The following GALNT18 variants were observed in gnomAD, a reference collection of about 807,000 sequenced individuals.
GALNT18 encodes the protein GalNAc-transferase 18.
Under a neutral mutation model 69.5 loss-of-function variants are expected in GALNT18, and 44 were observed. The observed-to-expected ratio is 0.63, with a 90% CI of 0.50 to 0.81. The LOEUF (loss-of-function observed/expected upper bound fraction) is 0.81, where lower values mean the gene tolerates loss of function less well. Among genes scored for constraint, GALNT18 ranks in the 40% least tolerant of loss-of-function variants. GALNT18 has a pLI of 0.00. For missense variants in GALNT18, 715 were observed against 810.0 expected (o/e 0.88, Z 1.42); for synonymous variants, 364 against 318.2 (o/e 1.14, Z -1.53).
chr11:11,286,021 C>T (rs923306906), intron 10 of GALNT18, among the ~76,000 whole-genome samples: 10 of 152,076 alleles, frequency 6.6e-5, no homozygotes, highest in Non-Finnish European at 1.0e-4. Context: ...TGTGGCTATC[C>T]GCAACGTTCC....
In GALNT18 at chr11:11,562,365, G is replaced by A. The variant is rs936818372; in HGVS notation, c.235+58994C>T. 4.6e-5 allele frequency among the ~76,000 whole-genome samples: 7 copies of A among 152,076 alleles called. No homozygotes were observed. Among genetic ancestry groups the A allele is most frequent in the African/African-American group, 1.2e-4 (5 of 41,412 alleles). ...ATGTGCACACCCGTCATATTGGATT[G>A]GGGCCCACCCCAATGACCTCATTTT... On this transcript the variant is annotated intron_variant, in intron 1 of 10. Coordinates refer to ENST00000227756, the MANE Select transcript of GALNT18 (RefSeq NM_198516.3). This position sits in a 1 kb window ranked among gnomAD's most constrained non-coding sequence, Gnocchi z 4.1.
intron 6 of GALNT18, chr11:11,351,853 T>G: frequency 1.0e-6 from 1 of 973,622 alleles, no homozygotes; most frequent in Non-Finnish European, 1.5e-6. Flanking sequence ...GCTTCTGAAG[T>G]GTTTCACCCC....
rs1171977695 is a variant in GALNT18, at chr11:11,621,630, C to T, written c.-37G>A. ...TCCTCCATATAGAGCTCCCGGGGGC[C>T]CTTCCTTGTCGTGCGCCCCGAACTC... On this transcript the variant is annotated 5_prime_UTR_variant, in exon 1 of 11. Transcript: ENST00000227756. This position sits in a 1 kb window ranked among gnomAD's most constrained non-coding sequence, Gnocchi z 9.3. The T allele has an allele frequency of 1.5e-5, 23 of 1,487,846 alleles. No homozygotes were observed. Among genetic ancestry groups the T allele is most frequent in the Non-Finnish European group, 2.1e-5 (23 of 1,091,208 alleles). The allele number at this position is 1,487,846 out of a possible 1,614,324, so 92.2% of individuals were successfully genotyped here.
At chr11:11,474,042 C>T (rs1040542880) in intron 1 of GALNT18, among the ~76,000 whole-genome samples, 13 of 152,024 alleles carry the variant, frequency 8.6e-5, no homozygotes, top group African/African-American at 2.2e-4. Flanking sequence ...CCAGCCTGGG[C>T]GACAGAGTAA....
Position 11,318,167 on chromosome 11 carries a change from G to A in GALNT18, c.1512+8919C>T, listed in dbSNP as rs1365683807. On this transcript the variant is annotated intron_variant, in intron 9 of 10. Coordinates refer to ENST00000227756, the MANE Select transcript of GALNT18 (RefSeq NM_198516.3). This position sits in a 1 kb window ranked among gnomAD's most constrained non-coding sequence, Gnocchi z 5.1. ...TGGGAGACCCTTTTTGGCCTAGAAA[G>A]TGAGAGTCAGGTTTCCATTTCCACT... Among the ~76,000 whole-genome samples, 2 of 152,230 alleles carry A rather than the reference G, an allele frequency of 1.3e-5. No individual in the cohort carries two copies. The highest frequency in any genetic ancestry group is 6.5e-5 in the Admixed American group (1 of 15,292).
chr11:11,391,000 T>C (rs1854178696), intron 3 of GALNT18, among the ~76,000 whole-genome samples: 1 of 152,186 alleles, frequency 6.6e-6, no homozygotes, highest in African/African-American at 2.4e-5. Context: ...GCTGGTGCCA[T>C]TACCTGCTCA....
intron 9 of GALNT18, among the ~76,000 whole-genome samples, chr11:11,310,984 G>A (rs10734179): frequency 0.54 from 81,808 of 151,754 alleles, 22,043 homozygotes; most frequent in Middle Eastern, 0.62. Context: ...AAATCCCAGA[G>A]CTTCTTTATT....
rs1326052023 is a variant in GALNT18 at position 11,500,624 on chromosome 11, CCAGTGCAAAATGGTGA to C, written c.236-51704_236-51689del. ...GACACCTCCCATGACAAAGAAGGAT[CCAGTGCAAAATGGTGA>C]CAGTGCCGAGCTAGAGAAGCCCTTC... On this transcript the variant is annotated intron_variant, in intron 1 of 10. Transcript: ENST00000227756. This position sits in a 1 kb window ranked among gnomAD's most constrained non-coding sequence, Gnocchi z 5.0. Among the ~76,000 whole-genome samples, 4 of 152,156 alleles carry C rather than the reference CCAGTGCAAAATGGTGA, an allele frequency of 2.6e-5. No individual in the cohort carries two copies. The highest frequency in any genetic ancestry group is 5.9e-5 in the Non-Finnish European group (4 of 68,028).
intron 9 of GALNT18, among the ~76,000 whole-genome samples, chr11:11,324,273 C>G (rs1394381422): frequency 6.6e-6 from 1 of 152,194 alleles, no homozygotes; most frequent in African/African-American, 2.4e-5. Flanking sequence ...ATATTTCAAC[C>G]CTATGACTCA....
At chr11:11,550,196 C>T (rs951927595) in intron 1 of GALNT18, among the ~76,000 whole-genome samples, 2 of 152,236 alleles carry the variant, frequency 1.3e-5, no homozygotes, top group Non-Finnish European at 2.9e-5. Context: ...TTGTCCCAGT[C>T]CAGGTGGAAA....
intron 1 of GALNT18, among the ~76,000 whole-genome samples, chr11:11,507,039 C>T (rs184752022): frequency 6.6e-6 from 1 of 152,328 alleles, no homozygotes; most frequent in Non-Finnish European, 1.5e-5. Context: ...ATTCCTTGTA[C>T]ACTGGGAACC....
At chr11:11,450,162 C>G (rs950232418) in intron 1 of GALNT18, among the ~76,000 whole-genome samples, 3 of 152,204 alleles carry the variant, frequency 2.0e-5, no homozygotes, top group African/African-American at 7.2e-5. Context: ...TGGAATGAGA[C>G]AGTGATCAGA....
chr11:11,518,841 A>T (rs975326520), intron 1 of GALNT18, among the ~76,000 whole-genome samples: 1 of 152,238 alleles, frequency 6.6e-6, no homozygotes, highest in Non-Finnish European at 1.5e-5. Flanking sequence ...CAGAAAAAAT[A>T]GGAAGAGGCC....
At chr11:11,578,330 CAAAA>C (rs57579910) in intron 1 of GALNT18, among the ~76,000 whole-genome samples, 3 of 120,608 alleles carry the variant, frequency 2.5e-5, no homozygotes, top group African/African-American at 7.1e-5. Context: ...TAAAAAGAAC[CAAAA>C]AAAAAAAAAA....
chr11:11,333,077 C>T (rs1311719212), intron 7 of GALNT18, among the ~76,000 whole-genome samples: 1 of 136,836 alleles, frequency 7.3e-6, no homozygotes, highest in Admixed American at 7.7e-5. Flanking sequence ...AAAAAAGATG[C>T]CAAATCCTTA....
intron 1 of GALNT18, among the ~76,000 whole-genome samples, chr11:11,522,192 T>A (rs1449569905): frequency 1.3e-5 from 2 of 152,192 alleles, no homozygotes; most frequent in East Asian, 3.9e-4. Flanking sequence ...TACCTCCACA[T>A]GACCTCTCCT....
intron 1 of GALNT18, among the ~76,000 whole-genome samples, chr11:11,611,565 C>T (rs1441551967): frequency 6.6e-6 from 1 of 152,172 alleles, no homozygotes; most frequent in Non-Finnish European, 1.5e-5. Flanking sequence ...CTCAGATGAC[C>T]AACCATCCAG....
Position 11,617,980 on chromosome 11 carries a change from A to G in GALNT18, c.235+3379T>C, listed in dbSNP as rs1047079854. Among the ~76,000 whole-genome samples, 1 of 152,232 alleles carries G rather than the reference A, an allele frequency of 6.6e-6. No homozygotes were observed. Among genetic ancestry groups the G allele is most frequent in the Non-Finnish European group, 1.5e-5 (1 of 68,036 alleles). On this transcript the variant is annotated intron_variant, in intron 1 of 10. Coordinates refer to ENST00000227756, the MANE Select transcript of GALNT18 (RefSeq NM_198516.3). The surrounding 1 kb of genome is among the most constrained non-coding windows in gnomAD (Gnocchi z 4.7). Reference sequence around the variant, plus strand: ...CTCTCATTTAACGTCTATTTGGTCAAAAAACTTCCCAAAACTGCAATTTAC... The same window carrying G: ...CTCTCATTTAACGTCTATTTGGTCAGAAAACTTCCCAAAACTGCAATTTAC...
chr11:11,441,089 C>T (rs906524367), intron 2 of GALNT18, among the ~76,000 whole-genome samples: 1 of 152,140 alleles, frequency 6.6e-6, no homozygotes, highest in African/African-American at 2.4e-5. Flanking sequence ...CTCTTAAAAC[C>T]CAATTCTGCA....
Sources: gnomAD v4.1 joint callset for allele counts (sites outside exome capture counted in the v4.1 genomes callset) on GRCh38, gnomAD v4.1.1 for gene constraint, Gnocchi (gnomAD v3.1) non-coding constraint, MANE v1.5 for transcripts, NCBI Gene and HGNC (gene_info 2026-07-23, HGNC 2026-07-21) for gene names.